Variants in MRPS28 observed in about 807,000 individuals in gnomAD.
MRPS28 encodes the protein small ribosomal subunit protein bS1m.
MRPS28 carries 7 observed loss-of-function variants against 10.8 expected under a neutral mutation model. The ratio of observed to expected loss-of-function variants is 0.65; its 90% confidence interval spans 0.37 to 1.22. The LOEUF is 1.22. Ranked by LOEUF, MRPS28 falls within the 50% of genes most tolerant of loss-of-function variation. The pLI is 0.02. For synonymous variants in MRPS28, 121 were observed against 93.3 expected (o/e 1.30, Z -1.71); for missense variants, 265 against 232.9 (o/e 1.14, Z -0.90).
chr8:80,020,457 TA>T (rs1809325387), intron 1 of MRPS28, among the ~76,000 whole-genome samples: 2 of 152,182 alleles, frequency 1.3e-5, no homozygotes, highest in Admixed American at 1.3e-4. Flanking sequence ...TTTACAAATG[TA>T]AATGCTGGTC....
rs534459588 is a variant in MRPS28, at chr8:79,966,736, G to A, written c.395+36263C>T. 1.5e-3 allele frequency among the ~76,000 whole-genome samples: 232 copies of A among 152,124 alleles called. 4 individuals carry two copies. The highest frequency in any genetic ancestry group is 5.3e-3 in the African/African-American group (219 of 41,538). ...TATTTAATTGCCTGTAGTTCGTCTGGCTTTAGTGCTTTTGTCATTCATAGA... is the reference window on the plus strand; with the variant it reads ...TATTTAATTGCCTGTAGTTCGTCTGACTTTAGTGCTTTTGTCATTCATAGA... On this transcript the variant is annotated intron_variant, in intron 2 of 2. Transcript: ENST00000276585.
At chr8:79,967,871 A>G (rs1006224492) in intron 2 of MRPS28, among the ~76,000 whole-genome samples, 1 of 152,122 alleles carries the variant, frequency 6.6e-6, no homozygotes, top group African/African-American at 2.4e-5. Flanking sequence ...TGCTATTAGT[A>G]TATGTATATA....
chr8:79,988,959 A>G (rs1808274867), intron 2 of MRPS28, among the ~76,000 whole-genome samples: 1 of 152,248 alleles, frequency 6.6e-6, no homozygotes, highest in African/African-American at 2.4e-5. Context: ...GAGAAGTAGA[A>G]GGAGAATCAA....
intron 2 of MRPS28, among the ~76,000 whole-genome samples, chr8:79,948,920 T>C (rs532245173): frequency 1.3e-5 from 2 of 152,172 alleles, no homozygotes; most frequent in Non-Finnish European, 2.9e-5. Context: ...GGTCTACAGC[T>C]CTCTTTTCTT....
intron 1 of MRPS28, among the ~76,000 whole-genome samples, chr8:80,011,398 G>A (rs568307654): frequency 3.7e-5 from 4 of 109,536 alleles, no homozygotes; most frequent in African/African-American, 7.2e-5. Flanking sequence ...TTCTTTTTTC[G>A]CTTTGGCTAT....
intron 2 of MRPS28, among the ~76,000 whole-genome samples, chr8:79,991,948 CTCTCTCTCTCTCA>C: frequency 1.1e-5 from 1 of 92,494 alleles, no homozygotes; most frequent in African/African-American, 3.4e-5. Context: ...CTCTCTCTCT[CTCTCTCTCTCTCA>C]TCACTTACTA....
chr8:80,000,216 C>T (rs1017630477), intron 2 of MRPS28, among the ~76,000 whole-genome samples: 1 of 152,160 alleles, frequency 6.6e-6, no homozygotes, highest in Non-Finnish European at 1.5e-5. Context: ...CACTTTGGCT[C>T]CTCCCTCTTG....
intron 1 of MRPS28, among the ~76,000 whole-genome samples, chr8:80,016,961 C>T (rs1336733106): frequency 6.6e-6 from 1 of 152,148 alleles, no homozygotes; most frequent in Non-Finnish European, 1.5e-5. Flanking sequence ...ATATGATGGA[C>T]ATCTGTAGAC....
At chr8:80,019,513 C>A (rs1023494594) in intron 1 of MRPS28, among the ~76,000 whole-genome samples, 2 of 151,728 alleles carry the variant, frequency 1.3e-5, no homozygotes, top group African/African-American at 4.8e-5. Flanking sequence ...AGAATATCTA[C>A]AAAAAACCTA....
At chr8:79,984,186 T>C (rs544288706) in intron 2 of MRPS28, among the ~76,000 whole-genome samples, 1 of 152,232 alleles carries the variant, frequency 6.6e-6, no homozygotes, top group South Asian at 2.1e-4. Context: ...GCTTCATAAG[T>C]GAAGGACAAA....
chr8:79,951,798 C>A (rs1202623559), intron 2 of MRPS28, among the ~76,000 whole-genome samples: 1 of 152,186 alleles, frequency 6.6e-6, no homozygotes, highest in Non-Finnish European at 1.5e-5. Flanking sequence ...ATTGTTACTG[C>A]CATCTCGCAG....
At chr8:79,940,413 G>A (rs1806735449) in intron 2 of MRPS28, among the ~76,000 whole-genome samples, 1 of 152,202 alleles carries the variant, frequency 6.6e-6, no homozygotes. Flanking sequence ...AATGAAGTAT[G>A]GTGAGGGCTG....
intron 2 of MRPS28, among the ~76,000 whole-genome samples, chr8:79,924,427 T>C (rs1810179153): frequency 6.6e-6 from 1 of 152,198 alleles, no homozygotes; most frequent in African/African-American, 2.4e-5. Context: ...AGCAGCCACG[T>C]CCCTGTGTGT....
In MRPS28 at chr8:80,011,143, T is replaced by A. The variant is rs7816783; in HGVS notation, c.214-7963A>T. Among the ~76,000 whole-genome samples, 990 of 149,556 alleles carry A rather than the reference T, an allele frequency of 6.6e-3. 18 individuals carry two copies. The highest frequency in any genetic ancestry group is 0.012 in the East Asian group (63 of 5,170). On this transcript the variant is annotated intron_variant, in intron 1 of 2. Transcript: ENST00000276585. ...TTTTTTTTTATTTTTTTATTTTTAT[T>A]TTTTTTTGTAAGCCATTCTTGACAA...
intron 2 of MRPS28, among the ~76,000 whole-genome samples, chr8:79,968,285 A>G (rs571000439): frequency 7.9e-5 from 12 of 152,258 alleles, no homozygotes; most frequent in Non-Finnish European, 1.6e-4. Flanking sequence ...ATCCCTGCTT[A>G]TAAGTCTCTA....
intron 2 of MRPS28, among the ~76,000 whole-genome samples, chr8:79,994,692 T>G (rs930153694): frequency 6.6e-6 from 1 of 152,182 alleles, no homozygotes. Flanking sequence ...GCCAGAATGA[T>G]CTCACTGAAA....
At chr8:79,987,014 G>A (rs1018905991) in intron 2 of MRPS28, among the ~76,000 whole-genome samples, 3 of 152,074 alleles carry the variant, frequency 2.0e-5, no homozygotes, top group African/African-American at 7.2e-5. Context: ...CACGCTACCT[G>A]ACTTCAAACT....
chr8:79,947,035 C>T (rs1042292172), intron 2 of MRPS28, among the ~76,000 whole-genome samples: 2 of 152,068 alleles, frequency 1.3e-5, no homozygotes, highest in African/African-American at 2.4e-5. Flanking sequence ...GTGATTGTTT[C>T]CTTGGAAAAT....
In MRPS28 at chr8:80,019,693, T is replaced by C. The variant is rs186595404; in HGVS notation, c.213+10343A>G. 2.7e-3 allele frequency among the ~76,000 whole-genome samples: 417 copies of C among 152,080 alleles called. 3 individuals carry two copies. The highest frequency in any genetic ancestry group is 9.3e-3 in the African/African-American group (386 of 41,454). ...GATTGGGAAGGAAGAAATAAAACTG[T>C]GTATGATCATGGATGGCATGATGAC... On this transcript the variant is annotated intron_variant, in intron 1 of 2. Coordinates refer to ENST00000276585, the MANE Select transcript of MRPS28 (RefSeq NM_014018.3).
Sources: gnomAD v4.1 joint callset for allele counts (sites outside exome capture counted in the v4.1 genomes callset) on GRCh38, gnomAD v4.1.1 for gene constraint, MANE v1.5 for transcripts, NCBI Gene and HGNC (gene_info 2026-07-23, HGNC 2026-07-21) for gene names.